Variants in COL2A1 observed in about 807,000 individuals in gnomAD.
The protein encoded by COL2A1 is collagen alpha-1(II) chain.
Under a neutral mutation model 204.5 loss-of-function variants are expected in COL2A1, and 28 were observed. The ratio of observed to expected loss-of-function variants is 0.14; its 90% confidence interval spans 0.10 to 0.19. COL2A1 has a LOEUF of 0.19. Ranked by LOEUF, COL2A1 falls within the 10% of genes least tolerant of loss-of-function variation. The pLI, the probability that COL2A1 is intolerant of heterozygous loss-of-function variation, is 1.00. For missense variants in COL2A1, 1,388 were observed against 2,027.5 expected (o/e 0.68, Z 6.06); for synonymous variants, 708 against 718.7 (o/e 0.99, Z 0.24).
At chr12:47,997,127 T>A (rs1407503074) in intron 7 of COL2A1, among the ~76,000 whole-genome samples, 3 of 152,206 alleles carry the variant, frequency 2.0e-5, no homozygotes, top group Admixed American at 6.5e-5. Flanking sequence ...TAGGCAATCA[T>A]ATAATTTGTT....
intron 30 of COL2A1, 86 bp downstream of exon 30, chr12:47,983,597 G>A (rs1005594299): frequency 6.7e-7 from 1 of 1,482,164 alleles, no homozygotes; most frequent in Admixed American, 1.9e-5. Context: ...AGAGGTGTGG[G>A]CCCTCCACCG....
intron 52 of COL2A1, 150 bp from the exon 53 acceptor site, chr12:47,974,481 G>A (rs1938592849): frequency 1.6e-6 from 2 of 1,284,402 alleles, no homozygotes; most frequent in African/African-American, 2.9e-5. Flanking sequence ...TTCCAGGAGT[G>A]GAGCAAGCTC....
Position 47,987,227 on chromosome 12 carries a change from C to T in COL2A1, c.1266+42G>A, listed in dbSNP as rs117424943. ...GTGTCAGGAGAGGGGAGAGGCAGGACTGGGCTCTCCTGGGGTAGCAAAGTC... is the reference window on the plus strand; with the variant it reads ...GTGTCAGGAGAGGGGAGAGGCAGGATTGGGCTCTCCTGGGGTAGCAAAGTC... On this transcript the variant is annotated intron_variant, in intron 20 of 53. Transcript: ENST00000380518. This position sits in a 1 kb window ranked among gnomAD's most constrained non-coding sequence, Gnocchi z 4.1. The T allele has an allele frequency of 8.7e-6, 14 of 1,613,664 alleles. No homozygotes were observed. Among genetic ancestry groups the T allele is most frequent in the East Asian group, 2.2e-5 (1 of 44,854 alleles).
chr12:47,998,010 A>G (rs1342768449), intron 5 of COL2A1, 22 bp downstream of exon 5: 5 of 1,614,210 alleles, frequency 3.1e-6, no homozygotes, highest in Admixed American at 1.7e-5. Context: ...GGGACGGAGA[A>G]AGAGATTTCT....
chr12:47,987,524 C>A lies in COL2A1; in HGVS notation c.1221+87G>T. 1 of 1,267,088 alleles carries A rather than the reference C, an allele frequency of 7.9e-7. No individual in the cohort carries two copies. The allele number at this position is 1,267,088 out of a possible 1,614,324, so 78.5% of individuals were successfully genotyped here. ...AGAATGAAGGTTTGGTGGTTGGAGC[C>A]CACAACTGTCAGAGCAAAGTACAGA... is the stretch of plus-strand genomic sequence containing the variant. On this transcript the variant is annotated intron_variant, in intron 19 of 53. Coordinates refer to ENST00000380518, the MANE Select transcript of COL2A1 (RefSeq NM_001844.5). The surrounding 1 kb of genome is among the most constrained non-coding windows in gnomAD (Gnocchi z 4.1).
chr12:47,979,687 C>A, intron 40 of COL2A1, 123 bp from the exon 41 acceptor site: 1 of 897,056 alleles, frequency 1.1e-6, no homozygotes. Context: ...TGCAAAGCAG[C>A]AAGGGGGATC....
Position 47,978,707 on chromosome 12 carries a change from T to G in COL2A1, c.2785A>C (p.Lys929Gln). 6.2e-7 allele frequency: 1 copy of G among 1,613,146 alleles called. No homozygotes were observed. Among genetic ancestry groups the G allele is most frequent in the East Asian group, 2.2e-5 (1 of 44,868 alleles). ...PPGPSGKDGP[K>Q]GARGDSGPPG... The stretch of plus-strand genomic sequence containing the variant: ...GGGCCGCTGTCTCCTCGAGCACCTT[T>G]GGGACCATCTTTTCCAGAAGGACCA... Residue 929 changes from lysine to glutamine, a missense_variant, in exon 42 of 54, where the codon AAA (lysine) becomes CAA (glutamine). Physicochemically the swap from Lys to Gln is moderately conservative, Grantham distance 53 (BLOSUM62 1). Transcript: ENST00000380518. This position sits in a 1 kb window ranked among gnomAD's most constrained non-coding sequence, Gnocchi z 5.5.
In COL2A1 at chr12:47,978,893, C is replaced by T. The variant is rs1173110118; in HGVS notation, c.2734-135G>A. ...ACCTCCCCACACTAAGGGCAGGCAG[C>T]TTAACCCCCCCAACCCCAATCTACC... On this transcript the variant is annotated intron_variant, in intron 41 of 53. Coordinates refer to ENST00000380518, the MANE Select transcript of COL2A1 (RefSeq NM_001844.5). This position sits in a 1 kb window ranked among gnomAD's most constrained non-coding sequence, Gnocchi z 5.5. 1 of 891,576 alleles carries T rather than the reference C, an allele frequency of 1.1e-6. No homozygotes were observed. Among genetic ancestry groups the T allele is most frequent in the African/African-American group, 1.7e-5 (1 of 60,542 alleles). 55.2% of individuals were successfully genotyped at this position (891,576 alleles called of 1,614,324 possible).
At chr12:47,991,202 A>G (rs1362403565) in intron 16 of COL2A1, among the ~76,000 whole-genome samples, 1 of 152,194 alleles carries the variant, frequency 6.6e-6, no homozygotes, top group Non-Finnish European at 1.5e-5. Context: ...CCCAGGGGTC[A>G]GCCAGCAGGA....
chr12:48,004,011 A>C (rs1940356466), intron 1 of COL2A1: 1 of 567,640 alleles, frequency 1.8e-6, no homozygotes, highest in Non-Finnish European at 3.2e-6. Flanking sequence ...GGACCTGCAA[A>C]TACTTGCAAC....
intron 36 of COL2A1, among the ~76,000 whole-genome samples, 155 bp downstream of exon 36, chr12:47,981,621 G>A (rs1009776741): frequency 1.2e-4 from 18 of 152,034 alleles, no homozygotes; most frequent in African/African-American, 3.6e-4. Flanking sequence ...CACTGCCAGC[G>A]GCTTCACTTC....
chr12:47,981,457 G>A (rs926633420), intron 36 of COL2A1, 61 bp from the exon 37 acceptor site: 9 of 1,478,772 alleles, frequency 6.1e-6, no homozygotes, highest in Middle Eastern at 1.8e-4. Context: ...AGTGGGAGAG[G>A]GCAAAGTGCA....
chr12:47,997,964 G>C, intron 5 of COL2A1, 40 bp from the exon 6 acceptor site: 1 of 1,614,184 alleles, frequency 6.2e-7, no homozygotes, highest in Non-Finnish European at 8.5e-7. Flanking sequence ...GCAAGGCCAG[G>C]AGCCTGCAGA....
In COL2A1 at chr12:47,980,444, G is replaced by T. The variant is rs545707960; in HGVS notation, c.2625+110C>A. On this transcript the variant is annotated intron_variant, in intron 39 of 53. Transcript: ENST00000380518. This position sits in a 1 kb window ranked among gnomAD's most constrained non-coding sequence, Gnocchi z 4.5. ...GGAAGCTCCTTCTACCAACATGGGG[G>T]TGTTCCCAGGCCTGCGAACCATCCT... 6.9e-5 allele frequency: 67 copies of T among 969,500 alleles called. No homozygotes were observed. The East Asian group carries it at 1.7e-3, about 25-fold the overall frequency. The allele number at this position is 969,500 out of a possible 1,614,324, so 60.1% of individuals were successfully genotyped here.
At chr12:47,995,334 G>A in intron 10 of COL2A1, 26 bp from the exon 11 acceptor site, 1 of 1,601,712 alleles carries the variant, frequency 6.2e-7, no homozygotes, top group Non-Finnish European at 8.6e-7. Flanking sequence ...GATAGTTTAA[G>A]AGATGGTTAT....
chr12:47,985,089 G>A lies in COL2A1; in HGVS notation c.1739C>T (p.Ala580Val). The stretch of plus-strand genomic sequence containing the variant: ...TCCAGGACGACCATCTTCACCAGGG[G>A]CTCCCTGAAAGACAGAACACCATTC... ...GPQGKVGPSG[A>V]PGEDGRPGPP... Residue 580 changes from alanine (A) to valine (V), a missense_variant, in exon 27 of 54, where the codon GCC (alanine) becomes GTC (valine). Physicochemically the swap from Ala to Val is moderately conservative, Grantham distance 64 (BLOSUM62 0). Around this residue, in one of 3 missense-constraint regions of COL2A1, gnomAD observed 884 missense variants for 1,415.8 expected, o/e 0.62. Transcript: ENST00000380518. 6.2e-7 allele frequency: 1 copy of A among 1,612,416 alleles called. No individual in the cohort carries two copies. Among genetic ancestry groups the A allele is most frequent in the East Asian group, 2.2e-5 (1 of 44,850 alleles).
chr12:47,973,087 G>T lies in COL2A1; in HGVS notation c.*320C>A, dbSNP rs1349087990. ...ACAGTTCCTGCGCCCGGCACCTGAA[G>T]GGAGGTCTTCTGGCCTGGGCTGGGG... is the stretch of plus-strand genomic sequence containing the variant. On this transcript the variant is annotated 3_prime_UTR_variant, in exon 54 of 54. Coordinates refer to ENST00000380518, the MANE Select transcript of COL2A1 (RefSeq NM_001844.5). The T allele has an allele frequency of 1.7e-6, 1 of 599,250 alleles. No homozygotes were observed. The highest frequency in any genetic ancestry group is 1.9e-5 in the African/African-American group (1 of 53,860). 37.1% of individuals were successfully genotyped at this position (599,250 alleles called of 1,614,324 possible). A position where few individuals can be genotyped will look rare whatever the true frequency, so the allele number is the denominator to read the frequency against.
intron 46 of COL2A1, 28 bp downstream of exon 46, chr12:47,977,292 C>T (rs765421548): frequency 4.4e-6 from 7 of 1,595,032 alleles, no homozygotes; most frequent in East Asian, 4.5e-5. Context: ...CAGGGGAAGG[C>T]GGCTTTTACT....
chr12:47,981,045 G>GGA, intron 37 of COL2A1, 77 bp from the exon 38 acceptor site: 1 of 1,405,834 alleles, frequency 7.1e-7, no homozygotes, highest in Non-Finnish European at 9.8e-7. Context: ...AGAGCCCCTT[G>GGA]GGCCCTGCCC....
Sources: gnomAD v4.1 joint callset for allele counts (sites outside exome capture counted in the v4.1 genomes callset) on GRCh38, gnomAD v4.1.1 for gene constraint, gnomAD v4.1.1 regional missense constraint, Gnocchi (gnomAD v3.1) non-coding constraint, MANE v1.5 for transcripts, NCBI Gene and HGNC (gene_info 2026-07-23, HGNC 2026-07-21) for gene names.